Variants in MTMR9 observed in about 807,000 individuals in gnomAD.
The protein encoded by MTMR9 is myotubularin related protein 9.
A neutral mutation model predicts 69.5 loss-of-function variants in MTMR9; 39 were observed. The observed-to-expected ratio is 0.56, with a 90% confidence interval of 0.43 to 0.73. MTMR9 has a LOEUF of 0.73. MTMR9 is among the 30% of genes least tolerant of loss of function. The pLI, the probability that MTMR9 is intolerant of heterozygous loss-of-function variation, is 0.00. For synonymous variants in MTMR9, 354 were observed against 240.8 expected (o/e 1.47, Z -4.35); for missense variants, 900 against 671.2 (o/e 1.34, Z -3.77).
intron 1 of MTMR9, among the ~76,000 whole-genome samples, chr8:11,288,372 G>A (rs1246053198): frequency 7.1e-6 from 1 of 141,626 alleles, no homozygotes; most frequent in African/African-American, 2.6e-5. Flanking sequence ...TATATATAAT[G>A]ATGTCAGGTA....
intron 1 of MTMR9, among the ~76,000 whole-genome samples, chr8:11,291,540 T>C (rs1323900255): frequency 1.3e-5 from 2 of 152,066 alleles, no homozygotes; most frequent in African/African-American, 2.4e-5. Context: ...TTAAAACATA[T>C]TTTTCTTGGC....
intron 3 of MTMR9, among the ~76,000 whole-genome samples, chr8:11,301,744 C>T (rs1224197114): frequency 6.6e-6 from 1 of 151,602 alleles, no homozygotes; most frequent in African/African-American, 2.4e-5. Flanking sequence ...AGTTTTGTCT[C>T]AAAGTTGACT....
At chr8:11,330,982 G>T (rs567121484), downstream of MTMR9, 6 of 1,453,252 alleles carry the variant, frequency 4.1e-6, no homozygotes, top group Non-Finnish European at 3.6e-6. Flanking sequence ...GAAAATAGGC[G>T]TGCTACCACC....
intron 1 of MTMR9, among the ~76,000 whole-genome samples, chr8:11,291,746 T>A (rs1799386473): frequency 6.6e-6 from 1 of 152,172 alleles, no homozygotes. Flanking sequence ...TGAGTTAGTA[T>A]GACAAGCATA....
chr8:11,311,640 G>A (rs2117428604), intron 6 of MTMR9, among the ~76,000 whole-genome samples: 1 of 152,334 alleles, frequency 6.6e-6, no homozygotes, highest in East Asian at 1.9e-4. Flanking sequence ...CCTCCCCATT[G>A]ATGGCTGCTG....
chr8:11,331,559 CCAGGGT>C (rs765530259), downstream of MTMR9: 1 of 1,613,862 alleles, frequency 6.2e-7, no homozygotes. Context: ...GCCTTGAGAG[CCAGGGT>C]CTCGGTGGCT....
At position 11,315,010 on chromosome 8, in the gene MTMR9, A is replaced by G. The variant is rs771313641; in HGVS notation, c.1059A>G (p.Pro353=). The G allele has an allele frequency of 3.1e-6, 5 of 1,614,074 alleles. No individual in the cohort carries two copies. In the Admixed American group the frequency reaches 5.0e-5, roughly 16 times the overall value. ...CCTTGGCCCAGATCATCTTAGAGCC[A>G]AGAAGCAGGACCATTCGTGGTTTTG... The part of the protein sequence containing the change: ...VTSLAQIILE[P]RSRTIRGFEA... The change falls in exon 7 of 10, where the codon CCA becomes CCG. Residue 353 remains proline (P), a synonymous_variant. Transcript: ENST00000221086.
chr8:11,297,557 T>C (rs1799603701), intron 2 of MTMR9, among the ~76,000 whole-genome samples: 1 of 151,526 alleles, frequency 6.6e-6, no homozygotes, highest in Non-Finnish European at 1.5e-5. Context: ...GTTAGGAGAT[T>C]GGATTTTCAC....
At chr8:11,293,521 A>C (rs1012781046) in intron 1 of MTMR9, among the ~76,000 whole-genome samples, 3 of 152,176 alleles carry the variant, frequency 2.0e-5, no homozygotes, top group African/African-American at 7.2e-5. Context: ...CATGCTCTTT[A>C]ACCCTGTGTT....
At chr8:11,334,830 A>G in the MTMR9 span, among the ~76,000 whole-genome samples, 1 of 152,252 alleles carries the variant, frequency 6.6e-6, no homozygotes, top group Non-Finnish European at 1.5e-5. Context: ...AACAGACTAA[A>G]GAAGAAAAAC....
chr8:11,310,338 GT>G (rs1283485842), intron 6 of MTMR9, among the ~76,000 whole-genome samples: 9 of 152,178 alleles, frequency 5.9e-5, no homozygotes, highest in Non-Finnish European at 1.0e-4. Flanking sequence ...TTAGAATGCC[GT>G]TTCTAAGAAG....
rs61227530 is a variant in MTMR9, at chr8:11,294,500, C to CTTTTTTTTTTTTTTTTTT, written c.183-693_183-676dup. On this transcript the variant is annotated intron_variant, in intron 1 of 9. Transcript: ENST00000221086. Reference sequence around the variant, plus strand: ...TGTTAGATTTTGTCAAATACTTTCACTTTTTTTTTTTTTTTTTTGAGACAG... The same window carrying CTTTTTTTTTTTTTTTTTT: ...TGTTAGATTTTGTCAAATACTTTCACTTTTTTTTTTTTTTTTTTTTTTTTTTTTTTTTTTTTGAGACAG... Among the ~76,000 whole-genome samples the CTTTTTTTTTTTTTTTTTT allele has an allele frequency of 1.6e-4, 17 of 105,810 alleles. 2 individuals carry two copies. Among genetic ancestry groups the CTTTTTTTTTTTTTTTTTT allele is most frequent in the African/African-American group, 4.9e-4 (11 of 22,448 alleles). 69.4% of individuals were successfully genotyped at this position (105,810 alleles called of 152,430 possible).
chr8:11,306,302 A>G lies in MTMR9; in HGVS notation c.704A>G (p.Asp235Gly). Residue 235 changes from aspartate (D) to glycine (G), a missense_variant, in exon 5 of 10, where the codon GAC becomes GGC. By Grantham distance (94) the Asp-to-Gly change is moderately conservative. Transcript: ENST00000221086. ...LRAGKRGYII[D>G]TRSLNVAQQT... The stretch of plus-strand genomic sequence containing the variant: ...GCTGGAAAGCGTGGCTACATCATTG[A>G]CACCCGATCCCTGAACGTGGCTCAG... 1 of 1,614,088 alleles carries G rather than the reference A, an allele frequency of 6.2e-7. No individual in the cohort carries two copies. The highest frequency in any genetic ancestry group is 8.5e-7 in the Non-Finnish European group (1 of 1,179,976).
intron 6 of MTMR9, among the ~76,000 whole-genome samples, chr8:11,311,751 G>A (rs1800207299): frequency 1.3e-5 from 2 of 152,166 alleles, no homozygotes; most frequent in African/African-American, 4.8e-5. Context: ...TTCCTTTCAT[G>A]AAAGATTTCT....
chr8:11,291,536 CAT>C (rs1348945215), intron 1 of MTMR9, among the ~76,000 whole-genome samples: 3 of 152,114 alleles, frequency 2.0e-5, no homozygotes, highest in South Asian at 4.2e-4. Context: ...GTTTTTAAAA[CAT>C]ATTTTTCTTG....
chr8:11,309,941 GTTTTT>G (rs533271729), intron 6 of MTMR9, among the ~76,000 whole-genome samples: 2 of 147,864 alleles, frequency 1.4e-5, no homozygotes, highest in African/African-American at 5.0e-5. Context: ...TAATGGACCC[GTTTTT>G]TTTTTCTAGT....
intron 3 of MTMR9, among the ~76,000 whole-genome samples, chr8:11,303,801 C>A (rs2736389): frequency 0.72 from 109,521 of 152,124 alleles, 40,976 homozygotes; most frequent in East Asian, 1. Flanking sequence ...CCCAAAGTGC[C>A]GGGATGATAG....
At chr8:11,332,092 G>A (rs763424704), downstream of MTMR9, 7 of 1,611,774 alleles carry the variant, frequency 4.3e-6, no homozygotes, top group Non-Finnish European at 5.9e-6. Flanking sequence ...CGGAACCTCA[G>A]CTGTGAGAGG....
chr8:11,322,607 C>T lies in MTMR9; in HGVS notation c.1487-18C>T. 1 of 1,609,470 alleles carries T rather than the reference C, an allele frequency of 6.2e-7. No homozygotes were observed. The highest frequency in any genetic ancestry group is 1.1e-5 in the South Asian group (1 of 90,452). On this transcript the variant is annotated intron_variant, in intron 9 of 9. Coordinates refer to ENST00000221086, the MANE Select transcript of MTMR9 (RefSeq NM_015458.4). ...ATATACCTTTCTTGCTTCTGTTTTC[C>T]ATTCCTGGATTCAATAGGTATTTTC...
Sources: gnomAD v4.1 joint callset for allele counts (sites outside exome capture counted in the v4.1 genomes callset) on GRCh38, gnomAD v4.1.1 for gene constraint, MANE v1.5 for transcripts, NCBI Gene and HGNC (gene_info 2026-07-23, HGNC 2026-07-21) for gene names.